Variants in RGL1 observed in about 807,000 individuals in gnomAD.
RGL1 encodes ral guanine nucleotide dissociation stimulator like 1.
RGL1 carries 24 observed loss-of-function variants against 95.2 expected under a neutral mutation model. That is an observed-to-expected ratio of 0.25 (90% CI 0.18 to 0.35). RGL1 has a LOEUF of 0.35. RGL1 is among the 10% of genes least tolerant of loss of function. The probability of loss-of-function intolerance (pLI) is 1.00; values close to 1 mark genes in which losing one functional copy is unlikely to be tolerated. For synonymous variants in RGL1, 329 were observed against 344.9 expected, an observed-to-expected ratio of 0.95 and a Z score of 0.51; for missense variants, 715 against 936.3, an observed-to-expected ratio of 0.76 and a Z score of 3.08.
At chr1:183,690,289 T>G (rs1403231097) in intron 1 of RGL1, among the ~76,000 whole-genome samples, 2 of 152,196 alleles carry the variant, frequency 1.3e-5, no homozygotes, top group Non-Finnish European at 2.9e-5. Flanking sequence ...TGTATGTTTA[T>G]ATGAGCAGTT....
In RGL1 at chr1:183,843,673, G is replaced by A. The variant is rs11806497; in HGVS notation, c.139-3893G>A. 9.5e-3 allele frequency among the ~76,000 whole-genome samples: 1,446 copies of A among 152,212 alleles called. 22 individuals are homozygous for A. Among genetic ancestry groups the A allele is most frequent in the African/African-American group, 0.032 (1,342 of 41,522 alleles). ...TTCCATTGTAAGTAAAATAAGAATC[G>A]TCAAATTTCAACATTGTTTGGTAAG... On this transcript the variant is annotated intron_variant, in intron 2 of 17. Transcript: ENST00000360851.
rs190489641 is a variant in RGL1, at chr1:183,826,335, C to T, written c.138+19850C>T. 1.4e-3 allele frequency among the ~76,000 whole-genome samples: 208 copies of T among 152,328 alleles called. 1 individual carries two copies. Among genetic ancestry groups the T allele is most frequent in the African/African-American group, 4.9e-3 (204 of 41,584 alleles). ...CCTAACCCTGCAACTCCCTATCCTC[C>T]ATTTCAGCTTTACTTCCTCCTTAAC... is the stretch of plus-strand genomic sequence containing the variant. On this transcript the variant is annotated intron_variant, in intron 2 of 17. Coordinates refer to ENST00000360851, the MANE Select transcript of RGL1 (RefSeq NM_001297671.3).
At chr1:183,752,032 T>G (rs1255817613) in intron 2 of RGL1, among the ~76,000 whole-genome samples, 7 of 152,272 alleles carry the variant, frequency 4.6e-5, no homozygotes, top group African/African-American at 1.4e-4. Context: ...ATACATATCT[T>G]ATTTTTGCCC....
intron 2 of RGL1, among the ~76,000 whole-genome samples, chr1:183,813,143 T>C (rs1661836703): frequency 6.6e-6 from 1 of 152,148 alleles, no homozygotes; most frequent in Non-Finnish European, 1.5e-5. Context: ...GATGAGGACC[T>C]GACTGAAGCT....
chr1:183,834,160 T>G (rs1356353379), intron 2 of RGL1, among the ~76,000 whole-genome samples: 1 of 152,172 alleles, frequency 6.6e-6, no homozygotes, highest in Non-Finnish European at 1.5e-5. Context: ...TCTATTAATT[T>G]GTTGTATCTC....
At chr1:183,794,496 T>A (rs995424534) in intron 2 of RGL1, among the ~76,000 whole-genome samples, 1 of 152,260 alleles carries the variant, frequency 6.6e-6, no homozygotes, top group African/African-American at 2.4e-5. Flanking sequence ...ATTACCCTGA[T>A]TTGCTCACTG....
At chr1:183,871,809 G>A (rs1168750382) in intron 4 of RGL1, among the ~76,000 whole-genome samples, 1 of 152,212 alleles carries the variant, frequency 6.6e-6, no homozygotes, top group Non-Finnish European at 1.5e-5. Context: ...ACTCCCACAT[G>A]CGGAGTACTT....
intron 1 of RGL1, among the ~76,000 whole-genome samples, chr1:183,666,105 A>G (rs1014093326): frequency 2.0e-5 from 3 of 149,480 alleles, no homozygotes; most frequent in African/African-American, 7.4e-5. Flanking sequence ...TCCTGGGTTC[A>G]AGTGATTCTC....
intron 16 of RGL1, among the ~76,000 whole-genome samples, chr1:183,919,682 C>A (rs975476524): frequency 6.6e-6 from 1 of 152,138 alleles, no homozygotes; most frequent in Non-Finnish European, 1.5e-5. Flanking sequence ...TGTCTTCTAC[C>A]ACTGAACCCA....
In RGL1 at chr1:183,865,630, C is replaced by T. The variant is rs529111650; in HGVS notation, c.348-366C>T. 2.3e-4 allele frequency among the ~76,000 whole-genome samples: 35 copies of T among 152,196 alleles called. No homozygotes were observed. The South Asian group carries it at 6.2e-3, about 27-fold the overall frequency. ...TGCATAGACATGCAGAGGGGTTGGA[C>T]GGGAGGGTTTGGTGTGCTACAGAGT... On this transcript the variant is annotated intron_variant, in intron 3 of 17. Transcript: ENST00000360851.
chr1:183,925,878 G>A (rs753933842), intron 17 of RGL1, among the ~76,000 whole-genome samples: 9 of 152,124 alleles, frequency 5.9e-5, no homozygotes, highest in Non-Finnish European at 1.2e-4. Flanking sequence ...TTTAATTCAT[G>A]GAGCGAATTT....
At chr1:183,750,229 T>A (rs1657909343) in intron 2 of RGL1, among the ~76,000 whole-genome samples, 1 of 152,176 alleles carries the variant, frequency 6.6e-6, no homozygotes, top group African/African-American at 2.4e-5. Flanking sequence ...TTCACATAGT[T>A]CCATATTCTT....
chr1:183,636,373 C>A (rs1250549442), exon 1 of RGL1: 1 of 392,476 alleles, frequency 2.5e-6, no homozygotes. Flanking sequence ...AGCAGGAAGC[C>A]CGTTTCCTGG....
chr1:183,790,911 C>T (rs1341437939), intron 2 of RGL1, among the ~76,000 whole-genome samples: 2 of 93,284 alleles, frequency 2.1e-5, no homozygotes, highest in Admixed American at 1.4e-4. Flanking sequence ...GCACAGATAG[C>T]ACATGTATGT....
At chr1:183,711,438 A>T (rs1415764133) in intron 1 of RGL1, among the ~76,000 whole-genome samples, 1 of 152,054 alleles carries the variant, frequency 6.6e-6, no homozygotes, top group Non-Finnish European at 1.5e-5. Context: ...CCCACCCACC[A>T]CTGCACTTAA....
chr1:183,859,721 G>T (rs1665388150), intron 3 of RGL1, among the ~76,000 whole-genome samples: 1 of 152,168 alleles, frequency 6.6e-6, no homozygotes, highest in African/African-American at 2.4e-5. Context: ...ACAGTATAGG[G>T]TTCTCGGCTC....
At chr1:183,771,989 T>C (rs902099007) in intron 2 of RGL1, among the ~76,000 whole-genome samples, 1 of 152,216 alleles carries the variant, frequency 6.6e-6, no homozygotes, top group African/African-American at 2.4e-5. Context: ...AAGCAGGCTA[T>C]TGACCAGCAG....
chr1:183,916,971 A>G (rs1243981247), intron 16 of RGL1, among the ~76,000 whole-genome samples: 2 of 152,124 alleles, frequency 1.3e-5, no homozygotes, highest in Non-Finnish European at 2.9e-5. Flanking sequence ...GCTAAAACTT[A>G]TTCGTTTAGG....
chr1:183,848,033 A>G (rs1664561980), intron 3 of RGL1, among the ~76,000 whole-genome samples: 1 of 152,194 alleles, frequency 6.6e-6, no homozygotes, highest in Non-Finnish European at 1.5e-5. Context: ...CAGTTGCTTT[A>G]TGGATTTACT....
Sources: allele counts gnomAD v4.1 joint callset (sites outside exome capture counted in the v4.1 genomes callset), GRCh38; gene constraint gnomAD v4.1.1; transcripts MANE v1.5; gene names NCBI Gene and HGNC (gene_info 2026-07-23, HGNC 2026-07-21).